The following ZNF532 variants were observed in gnomAD, a reference collection of about 807,000 sequenced individuals.
ZNF532 encodes the protein zinc finger protein 532.
In ZNF532, 22 loss-of-function variants were observed where a neutral mutation model predicts 89.3. The ratio of observed to expected loss-of-function variants is 0.25; its 90% CI spans 0.18 to 0.35. The LOEUF (loss-of-function observed/expected upper bound fraction) is 0.35, where lower values mean the gene tolerates loss of function less well. Among genes scored for constraint, ZNF532 ranks in the 10% least tolerant of loss-of-function variants. The probability of loss-of-function intolerance (pLI) is 1.00; values close to 1 mark genes in which losing one functional copy is unlikely to be tolerated. For synonymous variants in ZNF532, 606 were observed against 649.6 expected, an observed-to-expected ratio of 0.93 and a Z score of 1.02; for missense variants, 1,132 against 1,643.4, an observed-to-expected ratio of 0.69 and a Z score of 5.38.
intron 2 of ZNF532, among the ~76,000 whole-genome samples, chr18:58,869,185 T>A (rs2056754905): frequency 6.6e-6 from 1 of 152,198 alleles, no homozygotes; most frequent in South Asian, 2.1e-4. Flanking sequence ...ACATGGTACA[T>A]ACATAAGAGT....
chr18:58,944,318 C>T (rs12970709), intron 5 of ZNF532, among the ~76,000 whole-genome samples: 1 of 152,030 alleles, frequency 6.6e-6, no homozygotes, highest in East Asian at 1.9e-4. Flanking sequence ...GCTTTTTATT[C>T]TTTTCTCTTT....
intron 7 of ZNF532, among the ~76,000 whole-genome samples, chr18:58,961,496 C>T (rs1390439721): frequency 6.6e-5 from 10 of 152,192 alleles, no homozygotes; most frequent in East Asian, 1.9e-4. Flanking sequence ...GGTCTTTACA[C>T]GCTCGTTATT....
chr18:58,935,810 C>G (rs994996881), intron 4 of ZNF532, among the ~76,000 whole-genome samples: 1 of 151,760 alleles, frequency 6.6e-6, no homozygotes, highest in African/African-American at 2.4e-5. Flanking sequence ...TATTTGCTTA[C>G]CTGGTAACTT....
chr18:58,944,218 G>A (rs536376447), intron 5 of ZNF532, among the ~76,000 whole-genome samples: 2 of 152,306 alleles, frequency 1.3e-5, no homozygotes, highest in African/African-American at 2.4e-5. Context: ...AAAGCTTGGA[G>A]TCTTTTATTT....
intron 2 of ZNF532, among the ~76,000 whole-genome samples, chr18:58,888,719 A>AAAAT (rs1555708896): frequency 2.4e-5 from 1 of 42,114 alleles, no homozygotes; most frequent in Non-Finnish European, 3.8e-5. Flanking sequence ...ATATATATAT[A>AAAAT]TATATAAATT....
chr18:58,908,185 T>C (rs1364088898), intron 2 of ZNF532, among the ~76,000 whole-genome samples: 1 of 152,216 alleles, frequency 6.6e-6, no homozygotes, highest in East Asian at 1.9e-4. Flanking sequence ...TCCTCATTTT[T>C]TAGGTGGAAA....
chr18:58,951,168 T>A (rs888259172), intron 6 of ZNF532, among the ~76,000 whole-genome samples: 1 of 152,074 alleles, frequency 6.6e-6, no homozygotes, highest in Non-Finnish European at 1.5e-5. Flanking sequence ...TCACTAGTTG[T>A]CCAGGTTGGT....
chr18:58,985,925 A>G lies in ZNF532; in HGVS notation c.*1459A>G, dbSNP rs1238684345. On this transcript the variant is annotated 3_prime_UTR_variant, in exon 10 of 10. Coordinates refer to ENST00000591808, the MANE Select transcript of ZNF532 (RefSeq NM_001375912.1). ...ACTGTATGAAACACATTTCATATGT[A>G]AATAAACGTGGGACATTTGGCCCTT... 6.6e-6 allele frequency: 1 copy of G among 152,604 alleles called. No homozygotes were observed. Among genetic ancestry groups the G allele is most frequent in the Non-Finnish European group, 1.5e-5 (1 of 68,046 alleles). The allele number at this position is 152,604 out of a possible 1,614,324, so 9.5% of individuals were successfully genotyped here.
chr18:58,959,398 T>TGTC (rs2065133173), intron 7 of ZNF532, among the ~76,000 whole-genome samples: 1 of 151,592 alleles, frequency 6.6e-6, no homozygotes, highest in South Asian at 2.1e-4. Context: ...TAGCTAGGAC[T>TGTC]ACAGGTGTGT....
At chr18:58,938,470 A>C (rs1447880242) in intron 4 of ZNF532, among the ~76,000 whole-genome samples, 3 of 152,272 alleles carry the variant, frequency 2.0e-5, no homozygotes, top group Non-Finnish European at 4.4e-5. Context: ...CTAGAAATTC[A>C]TAAAGTAAGG....
chr18:58,905,443 C>G (rs2059875399), intron 2 of ZNF532, among the ~76,000 whole-genome samples: 1 of 150,644 alleles, frequency 6.6e-6, no homozygotes, highest in Non-Finnish European at 1.5e-5. Flanking sequence ...CTCTGTTGCC[C>G]AGGCTGAAGT....
intron 2 of ZNF532, among the ~76,000 whole-genome samples, chr18:58,906,436 T>G (rs539220625): frequency 6.6e-6 from 1 of 152,326 alleles, no homozygotes; most frequent in African/African-American, 2.4e-5. Context: ...TTGTTTTTTT[T>G]GGAGGCAGGG....
intron 2 of ZNF532, among the ~76,000 whole-genome samples, chr18:58,870,071 TG>T (rs1297647719): frequency 3.9e-5 from 5 of 127,474 alleles, no homozygotes; most frequent in African/African-American, 9.4e-5. Flanking sequence ...CAGCCCAGGT[TG>T]TTTTTTTTTT....
At position 58,888,739 on chromosome 18, in the gene ZNF532, T is replaced by TA. The variant is rs1555709028; in HGVS notation, c.-18+23161dup. On this transcript the variant is annotated intron_variant, in intron 2 of 9. Transcript: ENST00000591808. ...TATATATATATAAATTATATATATA[T>TA]ATTTTATATATATATAAAATTAATA... Among the ~76,000 whole-genome samples the TA allele has an allele frequency of 5.1e-4, 24 of 46,848 alleles. No individual in the cohort carries two copies. The South Asian group carries it at 5.6e-3, about 11-fold the overall frequency. The allele number at this position is 46,848 out of a possible 152,430, so 30.7% of individuals were successfully genotyped here. A position where few individuals can be genotyped will look rare whatever the true frequency, so the allele number is the denominator to read the frequency against.
At chr18:58,880,351 T>C (rs932208114) in intron 2 of ZNF532, among the ~76,000 whole-genome samples, 2 of 152,162 alleles carry the variant, frequency 1.3e-5, no homozygotes, top group African/African-American at 4.8e-5. Context: ...GAAAAGTGGG[T>C]CATCTTATTA....
intron 7 of ZNF532, among the ~76,000 whole-genome samples, chr18:58,971,113 T>A (rs1477096040): frequency 6.6e-6 from 1 of 152,246 alleles, no homozygotes; most frequent in Non-Finnish European, 1.5e-5. Flanking sequence ...GACAGTCTTA[T>A]AACCAGAAAC....
chr18:58,979,304 C>A, intron 8 of ZNF532, 137 bp downstream of exon 8: 2 of 551,536 alleles, frequency 3.6e-6, no homozygotes, highest in Non-Finnish European at 6.1e-6. Context: ...ATTGTTTTGG[C>A]ATAGAGTTTT....
chr18:58,886,505 C>T (rs958720065), intron 2 of ZNF532, among the ~76,000 whole-genome samples: 4 of 151,958 alleles, frequency 2.6e-5, no homozygotes, highest in Admixed American at 6.6e-5. Context: ...GTGCCAAAAA[C>T]GATGTGAATG....
intron 2 of ZNF532, among the ~76,000 whole-genome samples, chr18:58,907,957 A>G (rs2060039088): frequency 6.6e-6 from 1 of 152,154 alleles, no homozygotes; most frequent in Non-Finnish European, 1.5e-5. Flanking sequence ...GTTTTCCTGA[A>G]TGTGATACTG....
Sources: allele counts gnomAD v4.1 joint callset (sites outside exome capture counted in the v4.1 genomes callset), GRCh38; gene constraint gnomAD v4.1.1; transcripts MANE v1.5; gene names NCBI Gene and HGNC (gene_info 2026-07-23, HGNC 2026-07-21).